The following CHST9 variants were observed in gnomAD, a reference collection of about 807,000 sequenced individuals.
The protein encoded by CHST9 is GalNAc-4-sulfotransferase 2.
In CHST9, 41 loss-of-function variants were observed where a neutral mutation model predicts 44.4. That is an observed-to-expected ratio of 0.92 (90% CI 0.72 to 1.20). The LOEUF is 1.20. Among genes scored for constraint, CHST9 ranks in the 50% most tolerant of loss-of-function variants. CHST9 has a pLI of 0.00. For synonymous variants in CHST9, 171 were observed against 178.4 expected, an observed-to-expected ratio of 0.96 and a Z score of 0.33; for missense variants, 504 against 516.5, an observed-to-expected ratio of 0.98 and a Z score of 0.23.
At position 27,009,306 on chromosome 18, in the gene CHST9, T is replaced by C. The variant is rs142262606; in HGVS notation, c.202+14810A>G. Among the ~76,000 whole-genome samples, 405 of 152,260 alleles carry C rather than the reference T, an allele frequency of 2.7e-3. 1 individual carries two copies. The highest frequency in any genetic ancestry group is 9.5e-3 in the African/African-American group (394 of 41,556). ...AGCCCATTCTGTAAAATAATGACCT[T>C]AGAGTTTTTATGAACATGACAAAGA... On this transcript the variant is annotated intron_variant, in intron 4 of 5. Transcript: ENST00000618847.
At chr18:26,924,018 G>T (rs1298766163) in intron 5 of CHST9, among the ~76,000 whole-genome samples, 1 of 152,132 alleles carries the variant, frequency 6.6e-6, no homozygotes, top group Non-Finnish European at 1.5e-5. Context: ...TGTCATTCCA[G>T]GAGGGCCTGG....
intron 2 of CHST9, among the ~76,000 whole-genome samples, chr18:27,093,145 A>C (rs1026328204): frequency 8.5e-5 from 13 of 152,206 alleles, no homozygotes; most frequent in Admixed American, 7.8e-4. Context: ...TGAGGTGTCC[A>C]TCAGCCCCTA....
At chr18:27,039,604 T>A (rs2057423974) in intron 3 of CHST9, among the ~76,000 whole-genome samples, 2 of 152,106 alleles carry the variant, frequency 1.3e-5, no homozygotes, top group African/African-American at 4.8e-5. Flanking sequence ...CACAACAATG[T>A]GAATGTACTT....
chr18:26,984,130 G>T (rs407268), intron 4 of CHST9, among the ~76,000 whole-genome samples: 1 of 152,134 alleles, frequency 6.6e-6, no homozygotes, highest in East Asian at 1.9e-4. Flanking sequence ...CACCTGACTA[G>T]CCATGAGCTA....
At chr18:27,153,529 T>C (rs1378697709) in intron 1 of CHST9, among the ~76,000 whole-genome samples, 3 of 116,086 alleles carry the variant, frequency 2.6e-5, no homozygotes, top group African/African-American at 9.6e-5. Flanking sequence ...TCTGTCTTTC[T>C]CTCTCTCTCT....
intron 2 of CHST9, among the ~76,000 whole-genome samples, chr18:27,093,334 G>C (rs1231432963): frequency 2.6e-5 from 4 of 152,256 alleles, no homozygotes; most frequent in African/African-American, 9.6e-5. Context: ...CTTTTGTTCA[G>C]CTATGCCCTG....
At chr18:27,080,996 G>C (rs2057955144) in intron 2 of CHST9, among the ~76,000 whole-genome samples, 1 of 152,136 alleles carries the variant, frequency 6.6e-6, no homozygotes, top group Non-Finnish European at 1.5e-5. Flanking sequence ...CCCTAGGAGT[G>C]ATAGTACAAG....
intron 4 of CHST9, among the ~76,000 whole-genome samples, chr18:27,009,425 G>C (rs1237962877): frequency 6.6e-6 from 1 of 152,154 alleles, no homozygotes; most frequent in Non-Finnish European, 1.5e-5. Flanking sequence ...TGGATAATTT[G>C]AATTCGTTGT....
chr18:27,150,779 C>T (rs1315814778), intron 1 of CHST9, among the ~76,000 whole-genome samples: 2 of 151,980 alleles, frequency 1.3e-5, no homozygotes, highest in African/African-American at 4.8e-5. Flanking sequence ...TAAAATCTAC[C>T]CTATGTATCC....
At chr18:26,970,460 A>T (rs1299067410) in intron 4 of CHST9, among the ~76,000 whole-genome samples, 2 of 152,120 alleles carry the variant, frequency 1.3e-5, no homozygotes, top group East Asian at 3.9e-4. Context: ...ACAGGGTCTC[A>T]CTCTGTCAGC....
At chr18:27,114,931 C>A (rs533621200) in intron 2 of CHST9, among the ~76,000 whole-genome samples, 1 of 152,122 alleles carries the variant, frequency 6.6e-6, no homozygotes, top group South Asian at 2.1e-4. Flanking sequence ...ATAATCCCCA[C>A]GTGTCAAGGA....
chr18:26,957,566 C>CAAAA (rs200839830), intron 4 of CHST9, among the ~76,000 whole-genome samples: 50 of 141,736 alleles, frequency 3.5e-4, no homozygotes, highest in African/African-American at 1.3e-3. Flanking sequence ...AACTACACTG[C>CAAAA]AAAAAAAAAA....
At chr18:27,043,926 C>T (rs2057471736) in intron 3 of CHST9, among the ~76,000 whole-genome samples, 1 of 152,066 alleles carries the variant, frequency 6.6e-6, no homozygotes, top group Non-Finnish European at 1.5e-5. Flanking sequence ...CTTATTAAAT[C>T]ACTAAGCTTT....
At chr18:27,128,404 G>T (rs1258605653) in intron 2 of CHST9, among the ~76,000 whole-genome samples, 1 of 152,074 alleles carries the variant, frequency 6.6e-6, no homozygotes, top group African/African-American at 2.4e-5. Context: ...TGAGTAACAG[G>T]GACTACAGGC....
intron 4 of CHST9, among the ~76,000 whole-genome samples, chr18:27,015,650 T>C (rs1657328): frequency 0.37 from 56,722 of 151,914 alleles, 11,332 homozygotes; most frequent in East Asian, 0.47. Context: ...GAGAGGGTTA[T>C]GTAGGGGCTT....
intron 2 of CHST9, among the ~76,000 whole-genome samples, chr18:27,097,878 A>C (rs538290011): frequency 5.9e-5 from 9 of 152,106 alleles, no homozygotes; most frequent in Admixed American, 6.6e-5. Context: ...GGTTTGTCAA[A>C]AATCAGATGA....
intron 2 of CHST9, among the ~76,000 whole-genome samples, chr18:27,067,319 T>C (rs1191166395): frequency 6.6e-6 from 1 of 152,118 alleles, no homozygotes; most frequent in Non-Finnish European, 1.5e-5. Context: ...AAACTGACAC[T>C]GCATTAAATT....
intron 4 of CHST9, among the ~76,000 whole-genome samples, chr18:26,984,318 CAG>C (rs538419103): frequency 8.5e-4 from 129 of 152,214 alleles, no homozygotes; most frequent in African/African-American, 2.9e-3. Context: ...TATGCTGGAC[CAG>C]TTAGTTATTT....
intron 4 of CHST9, among the ~76,000 whole-genome samples, chr18:27,007,589 G>C (rs1218415492): frequency 6.6e-6 from 1 of 152,106 alleles, no homozygotes; most frequent in Non-Finnish European, 1.5e-5. Flanking sequence ...GAATAATCCA[G>C]TGAGTAAAAT....
Sources: allele counts gnomAD v4.1 joint callset (sites outside exome capture counted in the v4.1 genomes callset), GRCh38; gene constraint gnomAD v4.1.1; transcripts MANE v1.5; gene names NCBI Gene and HGNC (gene_info 2026-07-23, HGNC 2026-07-21).